DYM: variants seen among roughly 807,000 people sequenced by gnomAD.
DYM encodes dyggve-Melchior-Clausen syndrome protein.
A neutral mutation model predicts 93.1 loss-of-function variants in DYM; 78 were observed. The observed-to-expected ratio is 0.84, with a 90% CI of 0.70 to 1.01. The LOEUF (loss-of-function observed/expected upper bound fraction) is 1.01. Among genes scored for constraint, DYM ranks in the 50% least tolerant of loss-of-function variants. The pLI is 0.00. For missense variants in DYM, 789 were observed against 845.0 expected, an observed-to-expected ratio of 0.93 and a Z score of 0.82; for synonymous variants, 321 against 319.7, an observed-to-expected ratio of 1.00 and a Z score of -0.04.
intron 1 of DYM, among the ~76,000 whole-genome samples, chr18:49,460,189 G>GCGGACTCGGACAGAGGA (rs1724514516): frequency 6.6e-6 from 1 of 152,164 alleles, no homozygotes; most frequent in Non-Finnish European, 1.5e-5. Flanking sequence ...ACTCCCAACA[G>GCGGACTCGGACAGAGGA]CGGACTCGGA....
chr18:49,219,024 C>G (rs1241461045), intron 13 of DYM, among the ~76,000 whole-genome samples: 1 of 151,860 alleles, frequency 6.6e-6, no homozygotes, highest in Non-Finnish European at 1.5e-5. Context: ...CTAATAAAGA[C>G]GAAAACAGAG....
intron 14 of DYM, chr18:49,206,450 A>T (rs1326095907): frequency 1.3e-5 from 2 of 152,164 alleles, no homozygotes; most frequent in Admixed American, 6.6e-5. Flanking sequence ...TCTCTATATA[A>T]TGTAGTTCTG....
At chr18:49,074,997 G>T (rs186625786) in intron 17 of DYM, among the ~76,000 whole-genome samples, 5 of 152,176 alleles carry the variant, frequency 3.3e-5, no homozygotes, top group Admixed American at 2.6e-4. Context: ...CCTGAGGAAG[G>T]GGCTGCTGAT....
chr18:49,399,934 C>CTTTTTTTTTTTTTTTTTTTTT (rs1201370040), intron 2 of DYM, among the ~76,000 whole-genome samples: 1 of 66,112 alleles, frequency 1.5e-5, no homozygotes, highest in Non-Finnish European at 2.7e-5. Flanking sequence ...TTTTATTTTT[C>CTTTTTTTTTTTTTTTTTTTTT]TTTTTTTTTT....
chr18:49,378,723 A>G (rs2147680946), intron 4 of DYM, 23 bp from the exon 5 acceptor site: 1 of 1,610,818 alleles, frequency 6.2e-7, no homozygotes. Context: ...AAATCATACA[A>G]GAATCAATAT....
chr18:49,249,341 T>A (rs927171541), intron 13 of DYM, among the ~76,000 whole-genome samples: 5 of 152,116 alleles, frequency 3.3e-5, no homozygotes, highest in African/African-American at 7.2e-5. Context: ...TCTAAAATTA[T>A]CATAATCATA....
intron 14 of DYM, among the ~76,000 whole-genome samples, chr18:49,193,071 T>G (rs2145724133): frequency 6.6e-6 from 1 of 152,306 alleles, no homozygotes; most frequent in Non-Finnish European, 1.5e-5. Flanking sequence ...CAAAAAATGT[T>G]AAATATCGAG....
At chr18:49,116,348 G>C (rs1370430458) in intron 16 of DYM, 1 of 152,166 alleles carries the variant, frequency 6.6e-6, no homozygotes, top group Non-Finnish European at 1.5e-5. Context: ...AAAGGGGAAA[G>C]AGTTTTGTGA....
At chr18:49,381,010 A>T (rs75969014) in intron 3 of DYM, among the ~76,000 whole-genome samples, 1 of 151,870 alleles carries the variant, frequency 6.6e-6, no homozygotes, top group Non-Finnish European at 1.5e-5. Context: ...TTTTTTTTTA[A>T]CATAGAAACA....
intron 8 of DYM, among the ~76,000 whole-genome samples, chr18:49,306,810 G>A (rs2061302686): frequency 6.6e-6 from 1 of 152,114 alleles, no homozygotes; most frequent in Non-Finnish European, 1.5e-5. Context: ...AGGATTCAAG[G>A]TCTATTTAAC....
chr18:49,308,642 C>T (rs1371690538), intron 8 of DYM, among the ~76,000 whole-genome samples: 1 of 152,138 alleles, frequency 6.6e-6, no homozygotes, highest in Non-Finnish European at 1.5e-5. Context: ...GAGCTACAAA[C>T]TTGCAAGCTA....
At chr18:49,252,763 T>C (rs2094317226) in intron 13 of DYM, among the ~76,000 whole-genome samples, 1 of 152,124 alleles carries the variant, frequency 6.6e-6, no homozygotes, top group South Asian at 2.1e-4. Flanking sequence ...TGGAGGGACA[T>C]GAGAGACAAT....
At chr18:49,156,961 C>G (rs1343973029) in intron 15 of DYM, among the ~76,000 whole-genome samples, 1 of 151,658 alleles carries the variant, frequency 6.6e-6, no homozygotes, top group Non-Finnish European at 1.5e-5. Flanking sequence ...GCCTGGCATT[C>G]AGGAAAAGCA....
At chr18:49,419,937 C>G (rs1047822871) in intron 2 of DYM, among the ~76,000 whole-genome samples, 2 of 152,094 alleles carry the variant, frequency 1.3e-5, no homozygotes, top group Admixed American at 6.6e-5. Context: ...TCCTCTAAGT[C>G]GTATCACTAT....
chr18:49,215,478 AAT>A (rs1307789415), intron 13 of DYM, among the ~76,000 whole-genome samples: 1 of 152,202 alleles, frequency 6.6e-6, no homozygotes, highest in Non-Finnish European at 1.5e-5. Flanking sequence ...AGACATAGAC[AAT>A]ATATCCCCTT....
intron 2 of DYM, among the ~76,000 whole-genome samples, chr18:49,420,210 C>G (rs980994632): frequency 6.8e-6 from 1 of 146,782 alleles, no homozygotes; most frequent in African/African-American, 2.5e-5. Flanking sequence ...TCTTGTCGCC[C>G]AGGCTGGAGT....
chr18:49,245,457 G>T (rs1467433674), intron 13 of DYM, among the ~76,000 whole-genome samples: 1 of 152,082 alleles, frequency 6.6e-6, no homozygotes, highest in Non-Finnish European at 1.5e-5. Context: ...TGCATTCCTG[G>T]GGGTAGGTAT....
chr18:49,225,353 C>T (rs1185427807), intron 13 of DYM, among the ~76,000 whole-genome samples: 2 of 152,062 alleles, frequency 1.3e-5, no homozygotes, highest in African/African-American at 4.8e-5. Flanking sequence ...CATTCCTTGG[C>T]AGCAGAAGCC....
chr18:49,335,479 A>T (rs111339326), intron 6 of DYM, among the ~76,000 whole-genome samples: 44 of 152,346 alleles, frequency 2.9e-4, no homozygotes, highest in African/African-American at 8.9e-4. Flanking sequence ...TAAAAAATTT[A>T]AAAAATAAAA....
Sources: allele counts gnomAD v4.1 joint callset (sites outside exome capture counted in the v4.1 genomes callset), GRCh38; gene constraint gnomAD v4.1.1; transcripts MANE v1.5; gene names NCBI Gene and HGNC (gene_info 2026-07-23, HGNC 2026-07-21).